ZFHX3: variants seen among roughly 807,000 people sequenced by gnomAD.
The protein encoded by ZFHX3 is zinc finger homeobox 3, also known as zinc finger homeobox protein 3.
In ZFHX3, 42 loss-of-function variants were observed where a neutral mutation model predicts 279.1. That is an observed-to-expected ratio of 0.15 (90% CI 0.12 to 0.19). The LOEUF (loss-of-function observed/expected upper bound fraction) is 0.19, where lower values mean the gene tolerates loss of function less well. Ranked by LOEUF, ZFHX3 falls within the 10% of genes least tolerant of loss-of-function variation. The pLI, the probability that ZFHX3 is intolerant of heterozygous loss-of-function variation, is 1.00. For missense variants in ZFHX3, 4,981 were observed against 4,754.0 expected (o/e 1.05, Z -1.40); for synonymous variants, 2,293 against 1,957.8 (o/e 1.17, Z -4.52).
intron 3 of ZFHX3, among the ~76,000 whole-genome samples, chr16:73,356,943 G>C (rs2016352319): frequency 6.6e-6 from 1 of 151,476 alleles, no homozygotes; most frequent in South Asian, 2.1e-4. Context: ...AGACTGACTG[G>C]GATTTCCTCC....
intron 1 of ZFHX3, among the ~76,000 whole-genome samples, chr16:73,744,419 G>A (rs2053686046): frequency 6.6e-6 from 1 of 152,186 alleles, no homozygotes; most frequent in Non-Finnish European, 1.5e-5. Flanking sequence ...CAGGCTAGAA[G>A]TGGAGCTTTC....
intron 1 of ZFHX3, among the ~76,000 whole-genome samples, chr16:73,790,265 C>CTT (rs745914414): frequency 3.6e-5 from 5 of 137,662 alleles, no homozygotes; most frequent in African/African-American, 1.1e-4. Flanking sequence ...AAGGGAGTGT[C>CTT]TTTTTTTTTT....
intron 3 of ZFHX3, among the ~76,000 whole-genome samples, chr16:73,416,670 G>A (rs546526459): frequency 2.6e-5 from 4 of 152,020 alleles, no homozygotes; most frequent in Non-Finnish European, 4.4e-5. Context: ...TCAGGAGATC[G>A]AGACCATCCT....
At position 73,236,150 on chromosome 16, in the gene ZFHX3, G is replaced by A. The variant is rs183506068; in HGVS notation, c.-1104+20897C>T. On this transcript the variant is annotated intron_variant, in intron 5 of 17. Transcript: ENST00000641206. ...AAATATAGATATTAGCAAGGACACGGCATACGTCAAGGGAGTATGTGTTTT... is the reference window on the plus strand; with the variant it reads ...AAATATAGATATTAGCAAGGACACGACATACGTCAAGGGAGTATGTGTTTT... Among the ~76,000 whole-genome samples the A allele has an allele frequency of 7.9e-5, 12 of 152,348 alleles. No individual in the cohort carries two copies. In the East Asian group the frequency reaches 2.3e-3, roughly 29 times the overall value.
At chr16:73,061,696 A>C (rs1177578300), upstream of ZFHX3, 1 of 152,088 alleles carries the variant, frequency 6.6e-6, no homozygotes, top group African/African-American at 2.4e-5. Flanking sequence ...ATCTGTCTTC[A>C]CGAATCTTCA....
rs528044486 is a variant in ZFHX3, at chr16:73,546,737, T to C, written c.-1546-90479A>G. The stretch of plus-strand genomic sequence containing the variant: ...GCTGCTGCTGCTGCTGCTGCTGCTG[T>C]TGCTTCTTTTTCGGCTTCTTCTTCT... On this transcript the variant is annotated intron_variant, in intron 2 of 17. Coordinates refer to the ZFHX3 transcript ENST00000641206. Among the ~76,000 whole-genome samples, 24 of 135,908 alleles carry C rather than the reference T, an allele frequency of 1.8e-4. No homozygotes were observed. In the South Asian group the frequency reaches 2.4e-3, roughly 14 times the overall value. The allele number at this position is 135,908 out of a possible 152,430, so 89.2% of individuals were successfully genotyped here. A position where few individuals can be genotyped will look rare whatever the true frequency, so the allele number is the denominator to read the frequency against.
chr16:73,770,833 G>A lies in ZFHX3; in HGVS notation c.-1607-90593C>T, dbSNP rs1464759385. Among the ~76,000 whole-genome samples, 3 of 152,214 alleles carry A rather than the reference G, an allele frequency of 2.0e-5. No individual in the cohort carries two copies. The South Asian group carries it at 6.2e-4, about 32-fold the overall frequency. ...TTTCAACTTGTTCTCCAACATAGCTGCTGAGTTTAACACAAAGCCATATAG... is the reference window on the plus strand; with the variant it reads ...TTTCAACTTGTTCTCCAACATAGCTACTGAGTTTAACACAAAGCCATATAG... On this transcript the variant is annotated intron_variant, in intron 1 of 17. Coordinates refer to the ZFHX3 transcript ENST00000641206.
At chr16:73,670,580 C>T (rs1418156430) in intron 2 of ZFHX3, among the ~76,000 whole-genome samples, 1 of 152,182 alleles carries the variant, frequency 6.6e-6, no homozygotes, top group African/African-American at 2.4e-5. Flanking sequence ...CCTTGGTCTT[C>T]TAACCTTGGT....
intron 1 of ZFHX3, among the ~76,000 whole-genome samples, chr16:73,838,978 G>A (rs1961220179): frequency 6.6e-6 from 1 of 152,118 alleles, no homozygotes; most frequent in Non-Finnish European, 1.5e-5. Flanking sequence ...GAACCAGGAT[G>A]TCAGAGACAG....
At chr16:73,039,049 A>T (rs1965014586) in intron 1 of ZFHX3, among the ~76,000 whole-genome samples, 1 of 151,810 alleles carries the variant, frequency 6.6e-6, no homozygotes, top group African/African-American at 2.4e-5. Context: ...TCTGGGCTCA[A>T]GAGATCCTCC....
intron 4 of ZFHX3, among the ~76,000 whole-genome samples, chr16:72,835,342 T>C (rs999888286): frequency 3.3e-5 from 5 of 152,096 alleles, no homozygotes; most frequent in South Asian, 4.2e-4. Context: ...ATAATGGAAA[T>C]ATCAGGCCTG....
In ZFHX3 at chr16:73,328,874, G is replaced by A. The variant is rs540882242; in HGVS notation, c.-1290-10538C>T. 2.7e-4 allele frequency among the ~76,000 whole-genome samples: 41 copies of A among 152,330 alleles called. 2 individuals carry two copies. The highest frequency in any genetic ancestry group is 3.4e-3 in the Middle Eastern group (1 of 294). ...AGCAGATACTTCATCTTTCTGATCTGTGCAAAACCCATCCCAAGTGGGCAG... is the reference window on the plus strand; with the variant it reads ...AGCAGATACTTCATCTTTCTGATCTATGCAAAACCCATCCCAAGTGGGCAG... On this transcript the variant is annotated intron_variant, in intron 3 of 17. Transcript: ENST00000641206.
intron 3 of ZFHX3, among the ~76,000 whole-genome samples, chr16:73,386,630 G>A (rs1448401997): frequency 1.3e-5 from 2 of 151,896 alleles, no homozygotes; most frequent in Non-Finnish European, 2.9e-5. Context: ...CAGCCTCAGC[G>A]ACAGACCTAT....
chr16:73,082,423 A>G (rs1965959315), intron 8 of ZFHX3, among the ~76,000 whole-genome samples: 1 of 151,756 alleles, frequency 6.6e-6, no homozygotes, highest in African/African-American at 2.4e-5. Context: ...GCCCGCTACC[A>G]CGCCCGGCTA....
intron 8 of ZFHX3, among the ~76,000 whole-genome samples, chr16:73,076,310 A>C (rs1302381769): frequency 1.3e-5 from 2 of 152,198 alleles, no homozygotes; most frequent in Non-Finnish European, 2.9e-5. Flanking sequence ...TGTTCTTTTT[A>C]GGTGTTACTG....
At chr16:72,919,777 C>CTTTTTTTTTTTTTTTTT (rs532405250) in intron 3 of ZFHX3, among the ~76,000 whole-genome samples, 1 of 42,264 alleles carries the variant, frequency 2.4e-5, no homozygotes, top group African/African-American at 1.1e-4. Flanking sequence ...TATGCACCAT[C>CTTTTTTTTTTTTTTTTT]TTTTTTTTTT....
intron 5 of ZFHX3, among the ~76,000 whole-genome samples, chr16:73,242,466 AC>A (rs1362078594): frequency 2.6e-5 from 4 of 152,230 alleles, no homozygotes; most frequent in Non-Finnish European, 5.9e-5. Flanking sequence ...AGCAGGAACC[AC>A]TGAGTGTGAG....
At chr16:73,323,099 T>C (rs2015611365) in intron 3 of ZFHX3, among the ~76,000 whole-genome samples, 1 of 151,988 alleles carries the variant, frequency 6.6e-6, no homozygotes, top group Admixed American at 6.6e-5. Flanking sequence ...AGAACAAGAG[T>C]TGCTCTAGGT....
chr16:73,736,192 C>T (rs2053608764), intron 1 of ZFHX3, among the ~76,000 whole-genome samples: 2 of 152,092 alleles, frequency 1.3e-5, no homozygotes, highest in Admixed American at 6.5e-5. Context: ...TTCAGTGATC[C>T]CTGTGGGTTT....
Sources: allele counts gnomAD v4.1 joint callset (sites outside exome capture counted in the v4.1 genomes callset), GRCh38; gene constraint gnomAD v4.1.1; transcripts MANE v1.5; gene names NCBI Gene and HGNC (gene_info 2026-07-23, HGNC 2026-07-21).